DPF3: variants seen among roughly 807,000 people sequenced by gnomAD.
DPF3 encodes zinc finger protein DPF3.
DPF3 carries 18 observed loss-of-function variants against 56.8 expected under a neutral mutation model. That is an observed-to-expected ratio of 0.32 (90% CI 0.22 to 0.47). The LOEUF (loss-of-function observed/expected upper bound fraction) is 0.47, where lower values mean the gene tolerates loss of function less well. Ranked by LOEUF, DPF3 falls within the 20% of genes least tolerant of loss-of-function variation. The pLI is 1.00. For synonymous variants in DPF3, 188 were observed against 180.2 expected (o/e 1.04, Z -0.35); for missense variants, 403 against 488.8 (o/e 0.82, Z 1.65).
At chr14:72,750,560 T>C (rs757704957) in intron 3 of DPF3, among the ~76,000 whole-genome samples, 22 of 151,966 alleles carry the variant, frequency 1.4e-4, no homozygotes, top group Non-Finnish European at 2.8e-4. Flanking sequence ...AATTGGAAAA[T>C]TTAGAAACAA....
rs554241100 is a variant in DPF3 at position 72,615,547 on chromosome 14, C to G, written c.*3750G>C. ...ATCACTGTGAAACCCAAACCCTCCC[C>G]CAACTTCAAAACCTGTTCTCTTCCC... On this transcript the variant is annotated 3_prime_UTR_variant, in exon 11 of 11. Transcript: ENST00000556509. 6.6e-6 allele frequency among the ~76,000 whole-genome samples: 1 copy of G among 152,324 alleles called. No homozygotes were observed. Among genetic ancestry groups the G allele is most frequent in the African/African-American group, 2.4e-5 (1 of 41,582 alleles).
At chr14:72,823,443 C>G (rs1883643269) in intron 1 of DPF3, among the ~76,000 whole-genome samples, 1 of 152,216 alleles carries the variant, frequency 6.6e-6, no homozygotes, top group African/African-American at 2.4e-5. Flanking sequence ...AGCTATTATG[C>G]ATTCCCAACT....
At chr14:72,660,090 TGGA>T (rs945624033) in intron 8 of DPF3, among the ~76,000 whole-genome samples, 27 of 152,088 alleles carry the variant, frequency 1.8e-4, no homozygotes, top group Admixed American at 4.6e-4. Context: ...GAGTTTCAGT[TGGA>T]GAAGATGAAA....
intron 3 of DPF3, among the ~76,000 whole-genome samples, chr14:72,741,991 C>G (rs554369499): frequency 1.3e-5 from 2 of 152,380 alleles, no homozygotes; most frequent in South Asian, 4.1e-4. Context: ...ACCAGCAGAG[C>G]TGGGGAACAC....
intron 6 of DPF3, among the ~76,000 whole-genome samples, chr14:72,695,916 T>TA (rs1003936865): frequency 1.1e-4 from 16 of 152,046 alleles, no homozygotes; most frequent in Middle Eastern, 6.8e-3. Flanking sequence ...ATAAATATTG[T>TA]AAAAAAAATA....
chr14:72,621,008 G>A (rs1454469620), intron 9 of DPF3, among the ~76,000 whole-genome samples: 2 of 152,058 alleles, frequency 1.3e-5, no homozygotes, highest in Non-Finnish European at 2.9e-5. Flanking sequence ...AGGCATGGTG[G>A]CGTGCACCTG....
At chr14:72,734,980 G>A (rs563542448) in intron 3 of DPF3, among the ~76,000 whole-genome samples, 6 of 152,140 alleles carry the variant, frequency 3.9e-5, no homozygotes, top group Admixed American at 2.0e-4. Context: ...TTATTAACCC[G>A]TTTTACAGAT....
chr14:72,638,544 T>C (rs1434814534), intron 8 of DPF3, among the ~76,000 whole-genome samples: 1 of 152,242 alleles, frequency 6.6e-6, no homozygotes, highest in Non-Finnish European at 1.5e-5. Context: ...ACAGCAGTGA[T>C]TGGTCAACAC....
intron 1 of DPF3, among the ~76,000 whole-genome samples, chr14:72,889,670 A>G (rs1299466625): frequency 2.0e-5 from 3 of 152,232 alleles, no homozygotes; most frequent in Admixed American, 1.3e-4. Context: ...CACATGCACA[A>G]AACCACTTTA....
At chr14:72,875,468 C>T (rs982161802) in intron 1 of DPF3, among the ~76,000 whole-genome samples, 2 of 152,182 alleles carry the variant, frequency 1.3e-5, no homozygotes, top group African/African-American at 4.8e-5. Flanking sequence ...TTGCTTAATT[C>T]TTCCAACAAC....
At position 72,614,521 on chromosome 14, in the gene DPF3, G is replaced by A. The variant is rs1031362007; in HGVS notation, c.*4776C>T. ...TTGGGGGACAGGGGCCTGGGGGCCT[G>A]ACCCCTCTGGTAGCAGTGCCTGGAA... is the stretch of plus-strand genomic sequence containing the variant. On this transcript the variant is annotated 3_prime_UTR_variant, in exon 11 of 11. Coordinates refer to ENST00000556509, the MANE Select transcript of DPF3 (RefSeq NM_001280542.3). 6.6e-6 allele frequency among the ~76,000 whole-genome samples: 1 copy of A among 152,064 alleles called. No individual in the cohort carries two copies. Among genetic ancestry groups the A allele is most frequent in the East Asian group, 1.9e-4 (1 of 5,166 alleles).
Position 72,771,866 on chromosome 14 carries a change from G to A in DPF3, c.60C>T (p.Ala20=). The change falls in exon 2 of 11, where the codon GCC becomes GCT. Residue 20 remains alanine, a synonymous_variant. Transcript: ENST00000556509. ...AGTTGTAACTCCGGCAGTGCTCAAT[G>A]GCTTCCTTGTAGAACTGGTCCCCGA... ...KALGDQFYKE[A]IEHCRSYNSR... 1 of 1,605,636 alleles carries A rather than the reference G, an allele frequency of 6.2e-7. No individual in the cohort carries two copies. Among genetic ancestry groups the A allele is most frequent in the Non-Finnish European group, 8.5e-7 (1 of 1,175,886 alleles).
At chr14:72,849,168 T>A (rs1013571190) in intron 1 of DPF3, among the ~76,000 whole-genome samples, 4 of 152,226 alleles carry the variant, frequency 2.6e-5, no homozygotes, top group African/African-American at 2.4e-5. Flanking sequence ...CTTCTCTTCC[T>A]GTGTGACAAG....
At position 72,666,833 on chromosome 14, in the gene DPF3, C is replaced by T. The variant is rs548458833; in HGVS notation, c.871+7407G>A. ...ACACAAGTCACTTCTCCTCCAAAGG[C>T]TGAGCAAAATCCCCTGAGGAAAAAT... On this transcript the variant is annotated intron_variant, in intron 8 of 10. Coordinates refer to ENST00000556509, the MANE Select transcript of DPF3 (RefSeq NM_001280542.3). 2.0e-5 allele frequency among the ~76,000 whole-genome samples: 3 copies of T among 152,326 alleles called. No individual in the cohort carries two copies. The East Asian group carries it at 5.8e-4, about 29-fold the overall frequency.
intron 1 of DPF3, among the ~76,000 whole-genome samples, chr14:72,848,375 G>A (rs996977488): frequency 6.6e-6 from 1 of 152,070 alleles, no homozygotes; most frequent in Non-Finnish European, 1.5e-5. Flanking sequence ...ATGTTGCCCA[G>A]GCTGGCCTCA....
chr14:72,726,716 A>AC (rs551424021), intron 4 of DPF3, among the ~76,000 whole-genome samples: 11 of 151,966 alleles, frequency 7.2e-5, no homozygotes, highest in Admixed American at 2.0e-4. Flanking sequence ...AAGTCAGCTG[A>AC]CCCCCCAGTA....
At position 72,616,599 on chromosome 14, in the gene DPF3, A is replaced by G. The variant is rs550501570; in HGVS notation, c.*2698T>C. On this transcript the variant is annotated 3_prime_UTR_variant, in exon 11 of 11. Transcript: ENST00000556509. ...ATGTAACATGATGCTTAAGAGTCCC[A>G]GTGTCACTCTGGAATAGGCAGGGCA... Among the ~76,000 whole-genome samples, 1 of 152,290 alleles carries G rather than the reference A, an allele frequency of 6.6e-6. No individual in the cohort carries two copies. Among genetic ancestry groups the G allele is most frequent in the South Asian group, 2.1e-4 (1 of 4,828 alleles).
intron 1 of DPF3, among the ~76,000 whole-genome samples, chr14:72,884,991 C>T (rs1228616582): frequency 1.7e-5 from 1 of 60,416 alleles, no homozygotes; most frequent in Admixed American, 2.0e-4. Context: ...GTAAGGCGGG[C>T]GCCTGCAGTC....
At chr14:72,768,708 A>G (rs2139937085) in intron 2 of DPF3, among the ~76,000 whole-genome samples, 1 of 152,304 alleles carries the variant, frequency 6.6e-6, no homozygotes, top group East Asian at 1.9e-4. Flanking sequence ...TGATAAGTGA[A>G]AGCAAAATGA....
Sources: allele counts gnomAD v4.1 joint callset (sites outside exome capture counted in the v4.1 genomes callset), GRCh38; gene constraint gnomAD v4.1.1; transcripts MANE v1.5; gene names NCBI Gene and HGNC (gene_info 2026-07-23, HGNC 2026-07-21).